HMGXB4: variants seen among roughly 807,000 people sequenced by gnomAD.
The protein encoded by HMGXB4 is HMG-box containing 4.
HMGXB4 carries 27 observed loss-of-function variants against 63.9 expected under a neutral mutation model. The ratio of observed to expected loss-of-function variants is 0.42; its 90% confidence interval spans 0.31 to 0.58. HMGXB4 has a LOEUF of 0.58. Among genes scored for constraint, HMGXB4 ranks in the 20% least tolerant of loss-of-function variants. The probability of loss-of-function intolerance (pLI) is 0.13; values close to 1 mark genes in which losing one functional copy is unlikely to be tolerated. For synonymous variants in HMGXB4, 264 were observed against 265.3 expected (o/e 0.99, Z 0.05); for missense variants, 624 against 700.7 (o/e 0.89, Z 1.24).
Position 35,259,639 on chromosome 22 carries a change from G to T in HMGXB4, c.-69+2082G>T, listed in dbSNP as rs557207810. 9.9e-5 allele frequency among the ~76,000 whole-genome samples: 15 copies of T among 152,246 alleles called. No homozygotes were observed. In the South Asian group the frequency reaches 2.5e-3, roughly 25 times the overall value. On this transcript the variant is annotated intron_variant, in intron 1 of 10. Coordinates refer to ENST00000216106, the MANE Select transcript of HMGXB4 (RefSeq NM_001003681.3). ...TCTTTCCAAAACTAAACCCTGAGCT[G>T]CAATAATATCCTGATTTTAAAGAAC...
At chr22:35,262,593 A>G (rs1165700201) in intron 2 of HMGXB4, among the ~76,000 whole-genome samples, 172 bp downstream of exon 2, 3 of 152,156 alleles carry the variant, frequency 2.0e-5, no homozygotes, top group Non-Finnish European at 4.4e-5. Context: ...GCCCATGGAA[A>G]CGAAAACCAG....
At chr22:35,283,153 A>T (rs1924365963) in intron 5 of HMGXB4, among the ~76,000 whole-genome samples, 1 of 152,264 alleles carries the variant, frequency 6.6e-6, no homozygotes, top group Admixed American at 6.5e-5. Flanking sequence ...GAATGTGAAC[A>T]ATCAAATAAT....
chr22:35,247,913 AT>A, the HMGXB4 span, among the ~76,000 whole-genome samples: 1 of 152,106 alleles, frequency 6.6e-6, no homozygotes, highest in Non-Finnish European at 1.5e-5. Flanking sequence ...AGTCTGAGAA[AT>A]GCATCATTAG....
intron 5 of HMGXB4, among the ~76,000 whole-genome samples, chr22:35,276,993 T>A (rs1332484987): frequency 1.3e-5 from 2 of 152,206 alleles, no homozygotes; most frequent in Non-Finnish European, 2.9e-5. Flanking sequence ...AGAAAATAAT[T>A]CATATTAGTT....
chr22:35,288,208 T>C (rs1436560023), intron 8 of HMGXB4, 30 bp from the exon 9 acceptor site: 2 of 1,418,016 alleles, frequency 1.4e-6, no homozygotes, highest in African/African-American at 2.9e-5. Context: ...AGGCAAGTTT[T>C]ACCTGTCTGC....
intron 6 of HMGXB4, 59 bp downstream of exon 6, chr22:35,284,102 G>A (rs2272790): frequency 0.67 from 727,160 of 1,091,974 alleles, 245,608 homozygotes; most frequent in East Asian, 0.77. Context: ...GAAGCAGTGC[G>A]ATTAATTTCT....
At chr22:35,282,337 C>T (rs547628913) in intron 5 of HMGXB4, among the ~76,000 whole-genome samples, 74 of 152,222 alleles carry the variant, frequency 4.9e-4, no homozygotes, top group African/African-American at 1.4e-3. Flanking sequence ...CCACCATGCC[C>T]GGCTAATTTT....
intron 5 of HMGXB4, among the ~76,000 whole-genome samples, chr22:35,269,480 A>G (rs1356125259): frequency 6.6e-6 from 1 of 152,164 alleles, no homozygotes; most frequent in Non-Finnish European, 1.5e-5. Context: ...TTACCACCTT[A>G]TAGTATCTTC....
At chr22:35,243,915 A>T in the HMGXB4 span, among the ~76,000 whole-genome samples, 1 of 152,140 alleles carries the variant, frequency 6.6e-6, no homozygotes, top group Non-Finnish European at 1.5e-5. Flanking sequence ...TTCTGATGAG[A>T]AATTTTTTTC....
chr22:35,248,514 C>A, the HMGXB4 span, among the ~76,000 whole-genome samples: 1 of 149,260 alleles, frequency 6.7e-6, no homozygotes, highest in East Asian at 2.0e-4. Flanking sequence ...TCAAGTGATT[C>A]TCCTGCCACC....
chr22:35,263,301 T>TTTTTG (rs1491269938), intron 3 of HMGXB4, 75 bp downstream of exon 3: 1 of 543,656 alleles, frequency 1.8e-6, no homozygotes, highest in African/African-American at 2.4e-5. Context: ...TTTTTTTTTG[T>TTTTTG]TTTTTTTTTT....
chr22:35,274,148 G>A (rs887709960), intron 5 of HMGXB4, among the ~76,000 whole-genome samples: 7 of 152,150 alleles, frequency 4.6e-5, no homozygotes, highest in African/African-American at 9.7e-5. Context: ...GCATGGGCGC[G>A]GAGTACTGAG....
chr22:35,247,695 C>G, the HMGXB4 span, among the ~76,000 whole-genome samples: 1 of 151,834 alleles, frequency 6.6e-6, no homozygotes, highest in African/African-American at 2.4e-5. Context: ...TTGTGCTGCC[C>G]GATGCATAAT....
the HMGXB4 span, among the ~76,000 whole-genome samples, chr22:35,245,317 A>G: frequency 1.5e-5 from 2 of 129,712 alleles, no homozygotes; most frequent in Non-Finnish European, 3.4e-5. Flanking sequence ...CTCTTATTTT[A>G]TGAAACTTTC....
intron 5 of HMGXB4, 67 bp from the exon 6 acceptor site, chr22:35,283,895 G>T (rs1000184578): frequency 2.2e-5 from 25 of 1,125,216 alleles, no homozygotes; most frequent in Non-Finnish European, 3.4e-5. Flanking sequence ...TATTACTATG[G>T]ATTCAGGGTT....
At chr22:35,282,973 TTTTG>T (rs1019841130) in intron 5 of HMGXB4, among the ~76,000 whole-genome samples, 2 of 152,250 alleles carry the variant, frequency 1.3e-5, no homozygotes, top group Non-Finnish European at 2.9e-5. Flanking sequence ...AATAATTTGA[TTTTG>T]TTTCTCAAAA....
Position 35,294,434 on chromosome 22 carries a change from C to T in HMGXB4, c.*783C>T, listed in dbSNP as rs1424794961. On this transcript the variant is annotated 3_prime_UTR_variant, in exon 11 of 11. Coordinates refer to ENST00000216106, the MANE Select transcript of HMGXB4 (RefSeq NM_001003681.3). The stretch of plus-strand genomic sequence containing the variant: ...CAGAATTAAGTGCTGGTGTCTTTCA[C>T]TGGCAGCATGAAGTTAGCCACCAAG... The T allele has an allele frequency of 6.6e-6, 1 of 152,550 alleles. No homozygotes were observed. The highest frequency in any genetic ancestry group is 1.5e-5 in the Non-Finnish European group (1 of 68,028). The allele number at this position is 152,550 out of a possible 1,614,324, so 9.4% of individuals were successfully genotyped here. A position where few individuals can be genotyped will look rare whatever the true frequency, so the allele number is the denominator to read the frequency against.
At chr22:35,262,969 A>G (rs1355702090) in intron 2 of HMGXB4, 109 bp from the exon 3 acceptor site, 11 of 1,055,352 alleles carry the variant, frequency 1.0e-5, no homozygotes, top group South Asian at 1.4e-5. Flanking sequence ...TGATTGAAAC[A>G]TTGTTTTAAT....
chr22:35,270,641 A>G (rs1257145392), intron 5 of HMGXB4, among the ~76,000 whole-genome samples: 4 of 152,232 alleles, frequency 2.6e-5, no homozygotes, highest in African/African-American at 9.6e-5. Context: ...ATATCTCTTC[A>G]GCTTTGAACC....
Sources: gnomAD v4.1 joint callset for allele counts (sites outside exome capture counted in the v4.1 genomes callset) on GRCh38, gnomAD v4.1.1 for gene constraint, MANE v1.5 for transcripts, NCBI Gene and HGNC (gene_info 2026-07-23, HGNC 2026-07-21) for gene names.